Variants in NOP9 observed in about 807,000 individuals in gnomAD.
The protein encoded by NOP9 is NOP9 nucleolar protein.
In NOP9, 50 loss-of-function variants were observed where a neutral mutation model predicts 63.0. That is an observed-to-expected ratio of 0.79 (90% confidence interval 0.63 to 1.00). NOP9 has a LOEUF of 1.00. Ranked by LOEUF, NOP9 falls within the 50% of genes least tolerant of loss-of-function variation. The pLI is 0.00. For synonymous variants in NOP9, 343 were observed against 332.8 expected (o/e 1.03, Z -0.33); for missense variants, 758 against 803.0 (o/e 0.94, Z 0.68).
upstream of NOP9, among the ~76,000 whole-genome samples, chr14:24,297,922 G>A (rs1183941817): frequency 6.6e-6 from 1 of 152,126 alleles, no homozygotes; most frequent in Non-Finnish European, 1.5e-5. Context: ...TATGTCATCT[G>A]GATGCTCCCC....
chr14:24,292,838 TGC>T, the NOP9 span: 1 of 1,563,908 alleles, frequency 6.4e-7, no homozygotes, highest in Non-Finnish European at 8.6e-7. Context: ...CTGGCCTGGG[TGC>T]CACAGCCTCT....
chr14:24,307,350 C>T lies in NOP9; in HGVS notation c.*2255C>T, dbSNP rs201256449. Reference sequence around the variant, plus strand: ...CCTTGGCTACCCCTGCTATAGGAACCGAGGAACTTGGCCTACTTACTTTGG... The same window carrying T: ...CCTTGGCTACCCCTGCTATAGGAACTGAGGAACTTGGCCTACTTACTTTGG... On this transcript the variant is annotated 3_prime_UTR_variant, in exon 10 of 10. Coordinates refer to ENST00000267425, the MANE Select transcript of NOP9 (RefSeq NM_174913.3). The T allele has an allele frequency of 7.2e-5, 116 of 1,605,818 alleles. No individual in the cohort carries two copies. The highest frequency in any genetic ancestry group is 3.4e-4 in the East Asian group (15 of 44,774).
chr14:24,274,833 C>T, the NOP9 span, among the ~76,000 whole-genome samples: 2 of 150,814 alleles, frequency 1.3e-5, no homozygotes, highest in African/African-American at 4.9e-5. Flanking sequence ...TGGTCTCGAT[C>T]TCCTGACCTC....
chr14:24,279,197 G>T, the NOP9 span, among the ~76,000 whole-genome samples: 10 of 152,228 alleles, frequency 6.6e-5, no homozygotes, highest in African/African-American at 2.2e-4. Context: ...TCTCCACTCT[G>T]AAGTTCTGAA....
intron 2 of NOP9, 56 bp from the exon 3 acceptor site, chr14:24,301,556 C>T: frequency 1.2e-6 from 2 of 1,603,238 alleles, no homozygotes; most frequent in Middle Eastern, 1.7e-4. Flanking sequence ...AAATTTTTCT[C>T]TCCTGGATGG....
At chr14:24,290,394 C>T in the NOP9 span, among the ~76,000 whole-genome samples, 1 of 152,182 alleles carries the variant, frequency 6.6e-6, no homozygotes, top group African/African-American at 2.4e-5. Flanking sequence ...ACTGGATGTG[C>T]CCACTTCTAG....
upstream of NOP9, chr14:24,299,787 C>G: frequency 1.2e-6 from 1 of 833,420 alleles, no homozygotes; most frequent in Non-Finnish European, 1.8e-6. Context: ...ATCTGGGTGA[C>G]ACACCCACCC....
At position 24,307,453 on chromosome 14, in the gene NOP9, T is replaced by TG. The variant is rs1389177446; in HGVS notation, c.*2362dup. ...GTGATCACAGACACGGAAAGGTCGC[T>TG]GGGGTGGTGGAGCTGAGGTCCAGAC... On this transcript the variant is annotated 3_prime_UTR_variant, in exon 10 of 10. Coordinates refer to ENST00000267425, the MANE Select transcript of NOP9 (RefSeq NM_174913.3). 1 of 1,613,994 alleles carries TG rather than the reference T, an allele frequency of 6.2e-7. No homozygotes were observed. The highest frequency in any genetic ancestry group is 1.7e-5 in the Admixed American group (1 of 60,002).
In NOP9 at chr14:24,304,936, AG is replaced by A; in HGVS notation, c.1756del. On this transcript the variant is annotated splice_acceptor_variant, in intron 9 of 9. Coordinates refer to ENST00000267425, the MANE Select transcript of NOP9 (RefSeq NM_174913.3). LOFTEE classifies it high-confidence loss of function. ...ACTAAACATGAGTGGTTCCCTTTGC[AG>A]GGGAGCAGAACCAGGAGCTGATAAG... is the stretch of plus-strand genomic sequence containing the variant. 1 of 1,525,728 alleles carries A rather than the reference AG, an allele frequency of 6.6e-7. No individual in the cohort carries two copies. Among genetic ancestry groups the A allele is most frequent in the East Asian group, 2.3e-5 (1 of 42,690 alleles). The allele number at this position is 1,525,728 out of a possible 1,614,324, so 94.5% of individuals were successfully genotyped here.
chr14:24,301,499 T>C (rs1363085587), intron 2 of NOP9, 113 bp from the exon 3 acceptor site: 41 of 1,273,754 alleles, frequency 3.2e-5, no homozygotes, highest in Middle Eastern at 1.9e-4. Context: ...CATTTAGTTG[T>C]ACTACATCTG....
chr14:24,308,277 A>C lies in NOP9; in HGVS notation c.*3182A>C, dbSNP rs1594631096. The C allele has an allele frequency of 4.0e-6, 1 of 247,348 alleles. No homozygotes were observed. The highest frequency in any genetic ancestry group is 8.1e-6 in the Non-Finnish European group (1 of 123,672). 15.3% of individuals were successfully genotyped at this position (247,348 alleles called of 1,614,324 possible). On this transcript the variant is annotated 3_prime_UTR_variant, in exon 10 of 10. Coordinates refer to ENST00000267425, the MANE Select transcript of NOP9 (RefSeq NM_174913.3). Reference sequence around the variant, plus strand: ...TATGAGTGGCTCTGTGTGTGCTGCCACCTACTGGAGAAGCCATAAGCTGCA... The same window carrying C: ...TATGAGTGGCTCTGTGTGTGCTGCCCCCTACTGGAGAAGCCATAAGCTGCA...
At chr14:24,278,550 T>C in the NOP9 span, among the ~76,000 whole-genome samples, 619 of 152,298 alleles carry the variant, frequency 4.1e-3, no homozygotes, top group African/African-American at 0.014. Context: ...AGATTTGTCA[T>C]GTGGTATTGA....
the NOP9 span, chr14:24,291,919 A>G: frequency 1.7e-6 from 1 of 602,596 alleles, no homozygotes; most frequent in South Asian, 2.0e-5. Context: ...GGTCAAGTGC[A>G]TGGTCTTTGG....
At chr14:24,284,866 G>C in the NOP9 span, among the ~76,000 whole-genome samples, 1,505 of 152,212 alleles carry the variant, frequency 9.9e-3, 17 homozygotes, top group Non-Finnish European at 0.016. Context: ...CTCACTCTCT[G>C]TGCCTGGATC....
the NOP9 span, chr14:24,293,012 G>A: frequency 3.8e-6 from 2 of 524,240 alleles, no homozygotes; most frequent in Non-Finnish European, 6.5e-6. Context: ...AAGAAGAAAT[G>A]GAACGCAAGA....
chr14:24,283,112 C>T, the NOP9 span, among the ~76,000 whole-genome samples: 1 of 152,178 alleles, frequency 6.6e-6, no homozygotes, highest in Non-Finnish European at 1.5e-5. Flanking sequence ...TAGGATGGCC[C>T]CAGCCCCTCT....
At chr14:24,302,856 C>A (rs1017933456) in intron 5 of NOP9, among the ~76,000 whole-genome samples, 1 of 152,248 alleles carries the variant, frequency 6.6e-6, no homozygotes, top group African/African-American at 2.4e-5. Flanking sequence ...CTCCCTTACA[C>A]ATAGGGAAGA....
chr14:24,300,307 C>T (rs1050672721), intron 1 of NOP9, 101 bp from the exon 2 acceptor site: 33 of 1,558,776 alleles, frequency 2.1e-5, no homozygotes, highest in Non-Finnish European at 2.9e-5. Flanking sequence ...TTTCCCATGT[C>T]CTCTTCCTCG....
the NOP9 span, among the ~76,000 whole-genome samples, chr14:24,277,494 C>A: frequency 6.6e-6 from 1 of 152,092 alleles, no homozygotes; most frequent in African/African-American, 2.4e-5. Flanking sequence ...GGTGGAGAAG[C>A]CTCAGTGGAG....
Sources: gnomAD v4.1 joint callset for allele counts (sites outside exome capture counted in the v4.1 genomes callset) on GRCh38, gnomAD v4.1.1 for gene constraint, MANE v1.5 for transcripts, NCBI Gene and HGNC (gene_info 2026-07-23, HGNC 2026-07-21) for gene names.